ASAP1: variants seen among roughly 807,000 people sequenced by gnomAD.
The protein encoded by ASAP1 is ArfGAP with SH3 domain, ankyrin repeat and PH domain 1.
A neutral mutation model predicts 145.2 loss-of-function variants in ASAP1; 43 were observed. The ratio of observed to expected loss-of-function variants is 0.30; its 90% confidence interval spans 0.23 to 0.38. The LOEUF is 0.38. ASAP1 is among the 10% of genes least tolerant of loss of function. The probability of loss-of-function intolerance (pLI) is 1.00; values close to 1 mark genes in which losing one functional copy is unlikely to be tolerated. For synonymous variants in ASAP1, 546 were observed against 515.5 expected, an observed-to-expected ratio of 1.06 and a Z score of -0.80; for missense variants, 1,018 against 1,355.3, an observed-to-expected ratio of 0.75 and a Z score of 3.91.
At chr8:130,347,729 A>G (rs747118795) in intron 3 of ASAP1, among the ~76,000 whole-genome samples, 3 of 152,168 alleles carry the variant, frequency 2.0e-5, no homozygotes, top group Non-Finnish European at 2.9e-5. Flanking sequence ...CCTCCTTCCC[A>G]GATATCCTCG....
chr8:130,092,853 A>G (rs1270088829), intron 24 of ASAP1, among the ~76,000 whole-genome samples: 2 of 152,088 alleles, frequency 1.3e-5, no homozygotes, highest in Non-Finnish European at 2.9e-5. Flanking sequence ...CTGGGCCACA[A>G]GCTGAAACAT....
intron 24 of ASAP1, among the ~76,000 whole-genome samples, chr8:130,104,634 G>C (rs1450578212): frequency 2.0e-5 from 3 of 152,192 alleles, no homozygotes; most frequent in Admixed American, 6.5e-5. Flanking sequence ...CCTTTCTACA[G>C]AAAGTATAAA....
intron 12 of ASAP1, among the ~76,000 whole-genome samples, chr8:130,155,789 C>T (rs2097657272): frequency 6.6e-6 from 1 of 152,208 alleles, no homozygotes; most frequent in African/African-American, 2.4e-5. Flanking sequence ...ATGGACATAC[C>T]AAAGACTCTT....
intron 5 of ASAP1, among the ~76,000 whole-genome samples, chr8:130,199,489 G>A (rs1332770184): frequency 6.6e-6 from 1 of 152,192 alleles, no homozygotes; most frequent in Non-Finnish European, 1.5e-5. Context: ...GGTTGGGAGT[G>A]ACAAACCAAG....
intron 15 of ASAP1, among the ~76,000 whole-genome samples, chr8:130,130,676 C>T (rs1449692560): frequency 1.3e-5 from 2 of 152,150 alleles, no homozygotes; most frequent in South Asian, 2.1e-4. Flanking sequence ...ATAGCTTATC[C>T]TCTCAAAATC....
At chr8:130,190,170 C>T (rs1815041970) in intron 5 of ASAP1, among the ~76,000 whole-genome samples, 1 of 152,122 alleles carries the variant, frequency 6.6e-6, no homozygotes, top group Non-Finnish European at 1.5e-5. Context: ...CTTGCGTTTG[C>T]TCATTTTTGC....
chr8:130,414,096 T>C (rs1330585860), intron 1 of ASAP1, among the ~76,000 whole-genome samples: 2 of 152,174 alleles, frequency 1.3e-5, no homozygotes, highest in Non-Finnish European at 2.9e-5. Context: ...GGGGACATAG[T>C]AGCAGCTTCT....
intron 5 of ASAP1, among the ~76,000 whole-genome samples, chr8:130,190,942 G>T: frequency 6.6e-6 from 1 of 152,106 alleles, no homozygotes; most frequent in East Asian, 1.9e-4. Context: ...ACATAACCTC[G>T]ATGGGGACAG....
intron 15 of ASAP1, among the ~76,000 whole-genome samples, chr8:130,131,650 C>T (rs1259742690): frequency 3.5e-5 from 5 of 144,528 alleles, no homozygotes; most frequent in African/African-American, 5.3e-5. Flanking sequence ...ATTAGCTGGG[C>T]GTGGTGATGC....
chr8:130,059,607 C>T (rs145582131), intron 28 of ASAP1, among the ~76,000 whole-genome samples: 3 of 152,248 alleles, frequency 2.0e-5, no homozygotes, highest in African/African-American at 7.2e-5. Flanking sequence ...CATTTTATAA[C>T]AGAATGTGAG....
chr8:130,203,815 G>A (rs1816025826), intron 5 of ASAP1, among the ~76,000 whole-genome samples: 1 of 152,174 alleles, frequency 6.6e-6, no homozygotes, highest in South Asian at 2.1e-4. Flanking sequence ...AGCTCTGGAG[G>A]CTTCTGGGAC....
At chr8:130,392,743 G>A (rs1366662886) in intron 2 of ASAP1, among the ~76,000 whole-genome samples, 2 of 152,110 alleles carry the variant, frequency 1.3e-5, no homozygotes, top group Admixed American at 6.6e-5. Flanking sequence ...GCTTCAACTC[G>A]TGGCAGAAGG....
At chr8:130,339,577 A>T (rs1213344318) in intron 3 of ASAP1, among the ~76,000 whole-genome samples, 1 of 152,144 alleles carries the variant, frequency 6.6e-6, no homozygotes. Context: ...GTAGATGTTT[A>T]AAAATAGCTT....
At chr8:130,333,074 C>CA (rs1824800260) in intron 3 of ASAP1, among the ~76,000 whole-genome samples, 1 of 152,146 alleles carries the variant, frequency 6.6e-6, no homozygotes, top group Non-Finnish European at 1.5e-5. Context: ...GAAACCGTGT[C>CA]ATGCTCTATT....
chr8:130,070,108 C>T (rs1413323254), intron 27 of ASAP1, among the ~76,000 whole-genome samples: 1 of 152,162 alleles, frequency 6.6e-6, no homozygotes. Context: ...GCAATCTCGG[C>T]TCACTGCAAG....
chr8:130,290,228 G>T (rs890591298), intron 3 of ASAP1, among the ~76,000 whole-genome samples: 1 of 152,092 alleles, frequency 6.6e-6, no homozygotes, highest in Non-Finnish European at 1.5e-5. Flanking sequence ...CTTAAGGCTC[G>T]CATATTCTAC....
chr8:130,419,669 G>A (rs768072679), intron 1 of ASAP1, among the ~76,000 whole-genome samples: 18 of 151,998 alleles, frequency 1.2e-4, no homozygotes, highest in Non-Finnish European at 2.5e-4. Flanking sequence ...CTCTGCTACA[G>A]GGTGGTTTCA....
chr8:130,290,924 T>G (rs563359330), intron 3 of ASAP1, among the ~76,000 whole-genome samples: 1 of 152,316 alleles, frequency 6.6e-6, no homozygotes, highest in South Asian at 2.1e-4. Context: ...GTTCATGCAT[T>G]CAATGTGCCA....
intron 3 of ASAP1, among the ~76,000 whole-genome samples, chr8:130,322,548 G>C (rs545490121): frequency 6.6e-6 from 1 of 152,218 alleles, no homozygotes; most frequent in African/African-American, 2.4e-5. Context: ...TACAGAACTG[G>C]GGACTAGGAA....
Sources: allele counts gnomAD v4.1 joint callset (sites outside exome capture counted in the v4.1 genomes callset), GRCh38; gene constraint gnomAD v4.1.1; transcripts MANE v1.5; gene names NCBI Gene and HGNC (gene_info 2026-07-23, HGNC 2026-07-21).